The following CFAP299 variants were observed in gnomAD, a reference collection of about 807,000 sequenced individuals.
The protein encoded by CFAP299 is cilia and flagella associated protein 299.
In CFAP299, 21 loss-of-function variants were observed where a neutral mutation model predicts 27.0. The observed-to-expected ratio is 0.78, with a 90% CI of 0.55 to 1.12. CFAP299 has a LOEUF of 1.12. CFAP299 is among the 50% of genes most tolerant of loss of function. The pLI, the probability that CFAP299 is intolerant of heterozygous loss-of-function variation, is 0.00. For synonymous variants in CFAP299, 104 were observed against 98.1 expected, an observed-to-expected ratio of 1.06 and a Z score of -0.36; for missense variants, 310 against 276.6, an observed-to-expected ratio of 1.12 and a Z score of -0.86.
intron 2 of CFAP299, among the ~76,000 whole-genome samples, chr4:80,513,727 AT>A (rs1301661907): frequency 6.6e-6 from 1 of 152,168 alleles, no homozygotes; most frequent in South Asian, 2.1e-4. Context: ...ACATAAAAAA[AT>A]GAATTTAAAT....
At chr4:80,659,856 A>C (rs1740748506) in intron 3 of CFAP299, among the ~76,000 whole-genome samples, 1 of 152,162 alleles carries the variant, frequency 6.6e-6, no homozygotes, top group Non-Finnish European at 1.5e-5. Flanking sequence ...TTCTGTATAG[A>C]AGAATTCAAG....
At chr4:80,858,304 C>A (rs1277991543) in intron 3 of CFAP299, among the ~76,000 whole-genome samples, 2 of 151,220 alleles carry the variant, frequency 1.3e-5, no homozygotes, top group Admixed American at 1.3e-4. Context: ...CTCTTTTTTT[C>A]TTTATTAGTC....
chr4:80,779,708 T>A (rs1726762738), intron 3 of CFAP299, among the ~76,000 whole-genome samples: 1 of 151,990 alleles, frequency 6.6e-6, no homozygotes, highest in African/African-American at 2.4e-5. Flanking sequence ...ATTCTCCTCA[T>A]GCACTGGCAT....
At chr4:80,937,308 C>CTTTTTTTTTTTTTTTTTTT (rs1736948672) in intron 4 of CFAP299, among the ~76,000 whole-genome samples, 1 of 90,814 alleles carries the variant, frequency 1.1e-5, no homozygotes, top group Non-Finnish European at 2.1e-5. Flanking sequence ...CTTTTTTTTT[C>CTTTTTTTTTTTTTTTTTTT]TTTCTTTTTT....
intron 3 of CFAP299, among the ~76,000 whole-genome samples, chr4:80,830,818 G>A (rs1578164209): frequency 6.6e-6 from 1 of 152,162 alleles, no homozygotes; most frequent in Middle Eastern, 3.4e-3. Context: ...TTAACAAGTG[G>A]CAGGGTCAAA....
chr4:80,586,344 G>T (rs963334977), intron 3 of CFAP299, among the ~76,000 whole-genome samples: 2 of 152,068 alleles, frequency 1.3e-5, no homozygotes, highest in Non-Finnish European at 2.9e-5. Flanking sequence ...TACTTTTGCT[G>T]CTAGTCTTTA....
chr4:80,751,211 C>G (rs1404820202), intron 3 of CFAP299, among the ~76,000 whole-genome samples: 2 of 152,022 alleles, frequency 1.3e-5, no homozygotes, highest in African/African-American at 4.8e-5. Context: ...GAGACCCTCT[C>G]TCCCAGGGCC....
intron 3 of CFAP299, among the ~76,000 whole-genome samples, chr4:80,799,939 A>G (rs1323257247): frequency 2.1e-5 from 1 of 47,850 alleles, no homozygotes; most frequent in Admixed American, 4.1e-4. Flanking sequence ...TATATATTAT[A>G]TTATATAAAT....
chr4:80,915,560 T>A (rs149955540), intron 4 of CFAP299, among the ~76,000 whole-genome samples: 2 of 152,048 alleles, frequency 1.3e-5, no homozygotes, highest in African/African-American at 4.8e-5. Flanking sequence ...ATTTGAAAAA[T>A]TTTAAGACTT....
At chr4:80,660,784 T>A (rs1239224317) in intron 3 of CFAP299, among the ~76,000 whole-genome samples, 1 of 151,976 alleles carries the variant, frequency 6.6e-6, no homozygotes, top group Non-Finnish European at 1.5e-5. Flanking sequence ...CTCGATTGAG[T>A]TTGGAAACTA....
At chr4:80,857,355 G>A (rs570379792) in intron 3 of CFAP299, among the ~76,000 whole-genome samples, 1 of 152,208 alleles carries the variant, frequency 6.6e-6, no homozygotes, top group East Asian at 1.9e-4. Flanking sequence ...CTGCAAACAG[G>A]GACAATTTGA....
At chr4:80,351,741 G>A (rs553684235) in intron 1 of CFAP299, among the ~76,000 whole-genome samples, 1 of 151,306 alleles carries the variant, frequency 6.6e-6, no homozygotes, top group Non-Finnish European at 1.5e-5. Context: ...ACAATTTAAT[G>A]TAAATGTATT....
chr4:80,864,304 T>C (rs986750252), intron 3 of CFAP299, among the ~76,000 whole-genome samples: 4 of 151,380 alleles, frequency 2.6e-5, no homozygotes, highest in Non-Finnish European at 5.9e-5. Context: ...ACACTCAGGC[T>C]GAAATAAACC....
intron 3 of CFAP299, among the ~76,000 whole-genome samples, chr4:80,759,766 A>C (rs905626424): frequency 6.6e-6 from 1 of 152,238 alleles, no homozygotes; most frequent in African/African-American, 2.4e-5. Flanking sequence ...AGAAATAATT[A>C]TGACTTTACG....
intron 2 of CFAP299, among the ~76,000 whole-genome samples, chr4:80,471,815 G>C (rs751103992): frequency 3.3e-5 from 5 of 152,268 alleles, no homozygotes; most frequent in Middle Eastern, 3.4e-3. Flanking sequence ...CAGTGTTTCT[G>C]TAACTGCGAG....
At chr4:80,796,190 G>A (rs533165160) in intron 3 of CFAP299, among the ~76,000 whole-genome samples, 1 of 152,136 alleles carries the variant, frequency 6.6e-6, no homozygotes, top group Non-Finnish European at 1.5e-5. Flanking sequence ...GCTTGTAGGA[G>A]GGGCCAAATG....
chr4:80,755,612 C>T (rs954653230), intron 3 of CFAP299, among the ~76,000 whole-genome samples: 1 of 151,962 alleles, frequency 6.6e-6, no homozygotes, highest in Admixed American at 6.6e-5. Context: ...CAACATAATC[C>T]AATTAATGGT....
At chr4:80,957,979 AACAAAT>A (rs1433544735) in intron 5 of CFAP299, among the ~76,000 whole-genome samples, 1 of 152,174 alleles carries the variant, frequency 6.6e-6, no homozygotes, top group African/African-American at 2.4e-5. Context: ...TACAATTTTG[AACAAAT>A]ACTAAATTAA....
At chr4:80,777,740 C>T (rs1030037098) in intron 3 of CFAP299, among the ~76,000 whole-genome samples, 5 of 152,008 alleles carry the variant, frequency 3.3e-5, no homozygotes, top group Non-Finnish European at 5.9e-5. Context: ...GTGTGACAAT[C>T]CTATTTTGGA....
Sources: allele counts gnomAD v4.1 joint callset (sites outside exome capture counted in the v4.1 genomes callset), GRCh38; gene constraint gnomAD v4.1.1; transcripts MANE v1.5; gene names NCBI Gene and HGNC (gene_info 2026-07-23, HGNC 2026-07-21).